The following EGFR variants were observed in gnomAD, a reference collection of about 807,000 sequenced individuals.
EGFR encodes the protein avian erythroblastic leukemia viral (v-erb-b) oncogene homolog.
A neutral mutation model predicts 143.0 loss-of-function variants in EGFR; 58 were observed. The observed-to-expected ratio is 0.41, with a 90% CI of 0.33 to 0.50. The LOEUF (loss-of-function observed/expected upper bound fraction) is 0.50, where lower values mean the gene tolerates loss of function less well. EGFR is among the 20% of genes least tolerant of loss of function. EGFR has a pLI of 0.39. For synonymous variants in EGFR, 613 were observed against 594.4 expected, an observed-to-expected ratio of 1.03 and a Z score of -0.45; for missense variants, 1,307 against 1,579.0, an observed-to-expected ratio of 0.83 and a Z score of 2.92.
chr7:55,126,751 GAT>G (rs1793545154), intron 1 of EGFR, among the ~76,000 whole-genome samples: 1 of 152,176 alleles, frequency 6.6e-6, no homozygotes, highest in Admixed American at 6.5e-5. Flanking sequence ...TTAAGTACTG[GAT>G]ATACATGAAT....
intron 11 of EGFR, among the ~76,000 whole-genome samples, chr7:55,159,369 G>A (rs1785586424): frequency 7.0e-6 from 1 of 143,806 alleles, no homozygotes; most frequent in African/African-American, 2.4e-5. Context: ...CCTCCAGGTG[G>A]CTGAGGACAT....
intron 1 of EGFR, among the ~76,000 whole-genome samples, chr7:55,021,369 C>A (rs1413246362): frequency 2.0e-5 from 3 of 152,212 alleles, no homozygotes; most frequent in Admixed American, 6.5e-5. Flanking sequence ...CTCAGAGCAC[C>A]ACCAAAGCAT....
intron 22 of EGFR, among the ~76,000 whole-genome samples, chr7:55,194,080 C>G (rs760052529): frequency 2.2e-4 from 34 of 152,158 alleles, no homozygotes; most frequent in Admixed American, 1.9e-3. Flanking sequence ...GAGGGAACTG[C>G]AGGGTCCTGC....
chr7:55,184,726 G>C (rs933666140), intron 20 of EGFR, among the ~76,000 whole-genome samples: 2 of 152,118 alleles, frequency 1.3e-5, no homozygotes, highest in Non-Finnish European at 2.9e-5. Context: ...TTAACGCTTT[G>C]TCTCTGTTAG....
chr7:55,127,679 C>T (rs115072317), intron 1 of EGFR, among the ~76,000 whole-genome samples: 8 of 152,294 alleles, frequency 5.3e-5, no homozygotes, highest in African/African-American at 1.9e-4. Flanking sequence ...CAACACCCCC[C>T]TTATAAAGAC....
At chr7:55,039,854 G>A (rs2128868699) in intron 1 of EGFR, among the ~76,000 whole-genome samples, 1 of 152,314 alleles carries the variant, frequency 6.6e-6, no homozygotes. Context: ...GAGCGCTGGG[G>A]AGAGAAATGG....
chr7:55,096,958 C>A (rs1260312282), intron 1 of EGFR, among the ~76,000 whole-genome samples: 1 of 147,274 alleles, frequency 6.8e-6, no homozygotes, highest in Non-Finnish European at 1.5e-5. Context: ...CCGTTCCTTA[C>A]CCCCCCAGCT....
intron 20 of EGFR, among the ~76,000 whole-genome samples, chr7:55,188,676 C>G (rs976048211): frequency 6.6e-6 from 1 of 152,138 alleles, no homozygotes; most frequent in African/African-American, 2.4e-5. Flanking sequence ...AGCTCACAGG[C>G]CGTATCGCAG....
rs17290813 is a variant in EGFR, at chr7:55,208,748, C to T, written c.*3131C>T. On this transcript the variant is annotated 3_prime_UTR_variant, in exon 28 of 28. Coordinates refer to ENST00000275493, the MANE Select transcript of EGFR (RefSeq NM_005228.5). ...GAAAGTTCTTGATGTTGTGACTTACCACCCCTGCCTCACAACTGCAGACAT... is the reference window on the plus strand; with the variant it reads ...GAAAGTTCTTGATGTTGTGACTTACTACCCCTGCCTCACAACTGCAGACAT... 0.022 allele frequency: 3,281 copies of T among 152,192 alleles called. 68 individuals are homozygous for T. The highest frequency in any genetic ancestry group is 0.07 in the South Asian group (335 of 4,804). The allele number at this position is 152,192 out of a possible 1,614,324, so 9.4% of individuals were successfully genotyped here. A position where few individuals can be genotyped will look rare whatever the true frequency, so the allele number is the denominator to read the frequency against.
At chr7:55,146,901 C>A (rs575824936) in intron 4 of EGFR, among the ~76,000 whole-genome samples, 161 bp downstream of exon 4, 1 of 152,252 alleles carries the variant, frequency 6.6e-6, no homozygotes, top group Non-Finnish European at 1.5e-5. Context: ...GTATTTACCA[C>A]GGACATAGAG....
At chr7:55,142,162 TGA>T in intron 1 of EGFR, 122 bp from the exon 2 acceptor site, 4 of 1,167,434 alleles carry the variant, frequency 3.4e-6, no homozygotes, top group Non-Finnish European at 5.0e-6. Flanking sequence ...CAGGAATGGG[TGA>T]GTCTCTGTGT....
intron 1 of EGFR, among the ~76,000 whole-genome samples, chr7:55,133,365 C>T (rs1408128561): frequency 2.6e-5 from 4 of 152,168 alleles, no homozygotes; most frequent in Non-Finnish European, 4.4e-5. Flanking sequence ...CCCCAGCAGC[C>T]CTTGGCACCT....
chr7:55,104,996 T>C (rs1792047081), intron 1 of EGFR, among the ~76,000 whole-genome samples: 2 of 152,238 alleles, frequency 1.3e-5, no homozygotes, highest in South Asian at 4.1e-4. Flanking sequence ...GATAGGAATA[T>C]TAATAGCAAG....
At chr7:55,180,804 C>A (rs1786826451) in intron 19 of EGFR, 1 of 190,152 alleles carries the variant, frequency 5.3e-6, no homozygotes, top group South Asian at 1.1e-4. Context: ...CGGATGCCTT[C>A]TCCATCGCTT....
chr7:55,181,607 TC>T, intron 20 of EGFR, 129 bp downstream of exon 20: 1 of 1,096,598 alleles, frequency 9.1e-7, no homozygotes, highest in Non-Finnish European at 1.4e-6. Context: ...ACACACACAT[TC>T]CTTTATTTTG....
At chr7:55,063,007 A>T (rs1016880257) in intron 1 of EGFR, among the ~76,000 whole-genome samples, 17 of 152,108 alleles carry the variant, frequency 1.1e-4, no homozygotes, top group African/African-American at 4.1e-4. Context: ...AGGATCAGAG[A>T]TGGAGAGTCT....
intron 1 of EGFR, among the ~76,000 whole-genome samples, chr7:55,022,610 G>T (rs926851830): frequency 1.3e-5 from 2 of 152,066 alleles, no homozygotes; most frequent in African/African-American, 2.4e-5. Context: ...AAGGTTGAAG[G>T]GGGGGTGAGT....
At chr7:55,058,813 G>A (rs1347841945) in intron 1 of EGFR, among the ~76,000 whole-genome samples, 1 of 152,050 alleles carries the variant, frequency 6.6e-6, no homozygotes, top group African/African-American at 2.4e-5. Context: ...TAACATACCT[G>A]CACATGTACC....
intron 1 of EGFR, among the ~76,000 whole-genome samples, chr7:55,062,505 T>C (rs1789246453): frequency 6.6e-6 from 1 of 152,208 alleles, no homozygotes; most frequent in Non-Finnish European, 1.5e-5. Flanking sequence ...ACCTTAGTGC[T>C]TCTGTGAGCA....
Sources: allele counts gnomAD v4.1 joint callset (sites outside exome capture counted in the v4.1 genomes callset), GRCh38; gene constraint gnomAD v4.1.1; transcripts MANE v1.5; gene names NCBI Gene and HGNC (gene_info 2026-07-23, HGNC 2026-07-21).